The following ST6GAL2 variants were observed in gnomAD, a reference collection of about 807,000 sequenced individuals.
ST6GAL2 encodes beta-galactoside alpha-2,6-sialyltransferase 2.
Under a neutral mutation model 37.5 loss-of-function variants are expected in ST6GAL2, and 24 were observed. The ratio of observed to expected loss-of-function variants is 0.64; its 90% CI spans 0.46 to 0.90. ST6GAL2 has a LOEUF of 0.90. Ranked by LOEUF, ST6GAL2 falls within the 40% of genes least tolerant of loss-of-function variation. ST6GAL2 has a pLI of 0.00. For synonymous variants in ST6GAL2, 306 were observed against 295.1 expected (o/e 1.04, Z -0.38); for missense variants, 715 against 712.7 (o/e 1.00, Z -0.04).
At chr2:106,867,072 A>T (rs931686315) in intron 1 of ST6GAL2, among the ~76,000 whole-genome samples, 1 of 152,180 alleles carries the variant, frequency 6.6e-6, no homozygotes, top group East Asian at 1.9e-4. Flanking sequence ...AAGGGAAAGG[A>T]GGGCAGGGAA....
At chr2:106,807,299 C>T (rs1267230962) in intron 5 of ST6GAL2, among the ~76,000 whole-genome samples, 1 of 152,160 alleles carries the variant, frequency 6.6e-6, no homozygotes, top group African/African-American at 2.4e-5. Context: ...TCCTGTATCA[C>T]ATTCTATACA....
At chr2:106,827,824 C>T (rs1263890934) in intron 5 of ST6GAL2, among the ~76,000 whole-genome samples, 2 of 152,146 alleles carry the variant, frequency 1.3e-5, no homozygotes, top group African/African-American at 2.4e-5. Context: ...TTGGTCAGTA[C>T]AGTGTTAGAA....
intron 5 of ST6GAL2, among the ~76,000 whole-genome samples, chr2:106,812,684 T>G (rs1157045972): frequency 6.6e-6 from 1 of 152,228 alleles, no homozygotes; most frequent in Non-Finnish European, 1.5e-5. Flanking sequence ...ATACCATATA[T>G]GCACAAATTC....
chr2:106,812,685 G>A (rs1268720785), intron 5 of ST6GAL2, among the ~76,000 whole-genome samples: 1 of 152,178 alleles, frequency 6.6e-6, no homozygotes, highest in Admixed American at 6.5e-5. Context: ...TACCATATAT[G>A]CACAAATTCA....
chr2:106,855,169 C>T (rs2104561878), intron 1 of ST6GAL2, among the ~76,000 whole-genome samples: 1 of 152,292 alleles, frequency 6.6e-6, no homozygotes, highest in South Asian at 2.1e-4. Flanking sequence ...GCTTGAGTAA[C>T]AAGCATGAAC....
intron 1 of ST6GAL2, among the ~76,000 whole-genome samples, chr2:106,866,870 T>C (rs1299703305): frequency 2.0e-5 from 3 of 152,208 alleles, no homozygotes; most frequent in Admixed American, 2.0e-4. Flanking sequence ...CATAGGAATG[T>C]AACAGCTATG....
At position 106,844,001 on chromosome 2, in the gene ST6GAL2, T is replaced by A. The variant is rs1314474489; in HGVS notation, c.-24A>T. Reference sequence around the variant, plus strand: ...ATGGCAGGTCTCTGCGGTCAGCACCTTGTGTCTTAATGCAGATGGGTGGCA... The same window carrying A: ...ATGGCAGGTCTCTGCGGTCAGCACCATGTGTCTTAATGCAGATGGGTGGCA... On this transcript the variant is annotated 5_prime_UTR_variant, in exon 2 of 6. It adds an upstream start codon to the 5' untranslated region. Transcript: ENST00000409382. 15 of 1,535,798 alleles carry A rather than the reference T, an allele frequency of 9.8e-6. No individual in the cohort carries two copies. Among genetic ancestry groups the A allele is most frequent in the Non-Finnish European group, 1.3e-5 (15 of 1,144,100 alleles).
chr2:106,818,485 A>C (rs2104434807), intron 5 of ST6GAL2, among the ~76,000 whole-genome samples: 1 of 152,328 alleles, frequency 6.6e-6, no homozygotes, highest in South Asian at 2.1e-4. Context: ...TACCTCTACA[A>C]GTCTGCAAGG....
intron 5 of ST6GAL2, 128 bp from the exon 6 acceptor site, chr2:106,807,077 G>T: frequency 1.3e-6 from 1 of 752,980 alleles, no homozygotes; most frequent in Non-Finnish European, 2.1e-6. Context: ...TGTTGTTGTT[G>T]CATTTGCAAT....
intron 5 of ST6GAL2, among the ~76,000 whole-genome samples, chr2:106,810,112 C>T (rs1465970695): frequency 6.6e-6 from 1 of 152,148 alleles, no homozygotes; most frequent in African/African-American, 2.4e-5. Context: ...CTCTTAGACT[C>T]AAAGAGCTAT....
At chr2:106,857,778 C>T (rs376320206) in intron 1 of ST6GAL2, among the ~76,000 whole-genome samples, 83 of 152,126 alleles carry the variant, frequency 5.5e-4, no homozygotes, top group South Asian at 2.5e-3. Context: ...GTTCTCTGTC[C>T]GTAGAGTGGC....
intron 1 of ST6GAL2, among the ~76,000 whole-genome samples, chr2:106,861,051 A>G (rs369094817): frequency 7.2e-5 from 11 of 152,310 alleles, no homozygotes; most frequent in African/African-American, 2.6e-4. Flanking sequence ...AATGTCAGTG[A>G]TAAAAATTAA....
intron 1 of ST6GAL2, among the ~76,000 whole-genome samples, chr2:106,848,572 C>A (rs1050959930): frequency 5.3e-5 from 8 of 152,192 alleles, no homozygotes; most frequent in Non-Finnish European, 1.0e-4. Context: ...AGCTCAAAAT[C>A]TCTGGCCTAG....
rs199567558 is a variant in ST6GAL2, at chr2:106,806,863, G to C, written c.1405C>G (p.His469Asp). Residue 469 changes from histidine to aspartate, a missense_variant, in exon 6 of 6, where the codon CAC becomes GAC. Around this residue, in one of 3 missense-constraint regions of ST6GAL2, gnomAD observed 198 missense variants for 203.6 expected, o/e 0.97. Transcript: ENST00000409382. ...SVRQTELCHY[H>D]ELYYDAACTL... ...CAGGCTGCGTCGTAGTACAGCTCGT[G>C]GTAGTGGCACAGCTCCGTCTGCCGC... The C allele has an allele frequency of 6.2e-7, 1 of 1,614,160 alleles. No homozygotes were observed. Among genetic ancestry groups the C allele is most frequent in the East Asian group, 2.2e-5 (1 of 44,864 alleles).
At chr2:106,844,756 T>C (rs1177792768) in intron 1 of ST6GAL2, among the ~76,000 whole-genome samples, 1 of 152,018 alleles carries the variant, frequency 6.6e-6, no homozygotes, top group African/African-American at 2.4e-5. Context: ...ACATTAAAAC[T>C]TGAAATAGGA....
chr2:106,845,540 C>T (rs116696183), intron 1 of ST6GAL2, among the ~76,000 whole-genome samples: 2,405 of 152,234 alleles, frequency 0.016, 52 homozygotes, highest in South Asian at 0.058. Flanking sequence ...CTGACCAATG[C>T]CAAAACACAA....
chr2:106,867,855 T>C (rs1457881002), intron 1 of ST6GAL2, among the ~76,000 whole-genome samples: 1 of 152,148 alleles, frequency 6.6e-6, no homozygotes, highest in Non-Finnish European at 1.5e-5. Flanking sequence ...AGTCAGGGGA[T>C]TTCTATCCAG....
In ST6GAL2 at chr2:106,860,838, G is replaced by T. The variant is rs115856460; in HGVS notation, c.-57-16804C>A. 8.2e-3 allele frequency among the ~76,000 whole-genome samples: 1,251 copies of T among 152,230 alleles called. 4 individuals carry two copies. The highest frequency in any genetic ancestry group is 0.011 in the Non-Finnish European group (742 of 68,010). Reference sequence around the variant, plus strand: ...GGCTAAAACTCAACCATATACAATGGATATGGAAACTTAGAAGTATGTCTG... The same window carrying T: ...GGCTAAAACTCAACCATATACAATGTATATGGAAACTTAGAAGTATGTCTG... On this transcript the variant is annotated intron_variant, in intron 1 of 5. Transcript: ENST00000409382.
chr2:106,875,204 A>G (rs1016388097), intron 1 of ST6GAL2, among the ~76,000 whole-genome samples: 1 of 135,114 alleles, frequency 7.4e-6, no homozygotes, highest in Non-Finnish European at 1.6e-5. Flanking sequence ...ATGGGGTCCC[A>G]CCCATTTGGT....
Sources: gnomAD v4.1 joint callset for allele counts (sites outside exome capture counted in the v4.1 genomes callset) on GRCh38, gnomAD v4.1.1 for gene constraint, gnomAD v4.1.1 regional missense constraint, MANE v1.5 for transcripts, NCBI Gene and HGNC (gene_info 2026-07-23, HGNC 2026-07-21) for gene names.